The following NAPEPLD variants were observed in gnomAD, a reference collection of about 807,000 sequenced individuals.
The protein encoded by NAPEPLD is N-acyl-phosphatidylethanolamine-hydrolyzing phospholipase D.
NAPEPLD carries 23 observed loss-of-function variants against 38.1 expected under a neutral mutation model. The ratio of observed to expected loss-of-function variants is 0.60; its 90% confidence interval spans 0.43 to 0.86. The LOEUF (loss-of-function observed/expected upper bound fraction) is 0.86, where lower values mean the gene tolerates loss of function less well. Among genes scored for constraint, NAPEPLD ranks in the 40% least tolerant of loss-of-function variants. The pLI, the probability that NAPEPLD is intolerant of heterozygous loss-of-function variation, is 0.00. For synonymous variants in NAPEPLD, 147 were observed against 162.0 expected (o/e 0.91, Z 0.71); for missense variants, 411 against 476.8 (o/e 0.86, Z 1.28).
intron 1 of NAPEPLD, among the ~76,000 whole-genome samples, chr7:103,138,087 C>T (rs886811163): frequency 4.0e-5 from 6 of 151,332 alleles, no homozygotes; most frequent in Non-Finnish European, 5.9e-5. Flanking sequence ...AACCGATTCT[C>T]GTGCCTCAGC....
intron 3 of NAPEPLD, among the ~76,000 whole-genome samples, chr7:103,118,493 G>A (rs1805991061): frequency 6.6e-6 from 1 of 152,144 alleles, no homozygotes; most frequent in Admixed American, 6.5e-5. Context: ...AATCGTTTTA[G>A]TGAATGTAAA....
At chr7:103,112,634 A>C (rs1804765628) in intron 4 of NAPEPLD, among the ~76,000 whole-genome samples, 1 of 152,170 alleles carries the variant, frequency 6.6e-6, no homozygotes, top group African/African-American at 2.4e-5. Context: ...GGATAGCATT[A>C]GGAGAAATAC....
chr7:103,120,701 CTTTTTTT>C (rs869141133), intron 2 of NAPEPLD, among the ~76,000 whole-genome samples: 11 of 82,504 alleles, frequency 1.3e-4, no homozygotes, highest in South Asian at 5.6e-4. Context: ...TGATATTTTT[CTTTTTTT>C]TTTTTTTTTT....
intron 1 of NAPEPLD, chr7:103,142,072 GA>G: frequency 1.7e-6 from 1 of 583,428 alleles, no homozygotes; most frequent in Non-Finnish European, 3.0e-6. Context: ...GGGTGTTTCT[GA>G]TATACAGGCA....
chr7:103,144,820 T>C (rs1812207545), intron 1 of NAPEPLD, among the ~76,000 whole-genome samples: 1 of 152,036 alleles, frequency 6.6e-6, no homozygotes, highest in Non-Finnish European at 1.5e-5. Flanking sequence ...GAGACCAGCT[T>C]GGCCAACATG....
intron 1 of NAPEPLD, chr7:103,141,860 T>C (rs937953673): frequency 5.5e-5 from 55 of 1,008,132 alleles, no homozygotes; most frequent in Non-Finnish European, 8.0e-5. Flanking sequence ...ATTGGTCTCA[T>C]TGGGGTCTAA....
intron 4 of NAPEPLD, among the ~76,000 whole-genome samples, chr7:103,110,243 A>T (rs983106546): frequency 6.6e-6 from 1 of 152,172 alleles, no homozygotes; most frequent in Non-Finnish European, 1.5e-5. Flanking sequence ...TCCTGATACC[A>T]AAACCTGGCA....
At chr7:103,139,334 A>G (rs1441016095) in intron 1 of NAPEPLD, among the ~76,000 whole-genome samples, 1 of 152,194 alleles carries the variant, frequency 6.6e-6, no homozygotes, top group African/African-American at 2.4e-5. Context: ...TCCATTAGGG[A>G]AAAAAATCAT....
At chr7:103,119,251 TTTAA>T (rs1286325368) in intron 3 of NAPEPLD, among the ~76,000 whole-genome samples, 1 of 152,210 alleles carries the variant, frequency 6.6e-6, no homozygotes, top group Non-Finnish European at 1.5e-5. Flanking sequence ...ATTAAAATAT[TTTAA>T]TTCTCACCAC....
intron 2 of NAPEPLD, among the ~76,000 whole-genome samples, chr7:103,125,920 T>TAATAATAATAATAAA (rs1419156556): frequency 2.3e-5 from 3 of 133,332 alleles, no homozygotes; most frequent in African/African-American, 8.4e-5. Flanking sequence ...ATAATAATAA[T>TAATAATAATAATAAA]AAATAAAAAT....
rs1802671042 is a variant in NAPEPLD, at chr7:103,103,401, T to G, written c.*28A>C. On this transcript the variant is annotated 3_prime_UTR_variant, in exon 5 of 5. Transcript: ENST00000465647. ...TTTTTAAACTTAGATGATGCCTTTT[T>G]CATTAAAAGTGCCTGTGCTCACATT... 1 of 1,519,058 alleles carries G rather than the reference T, an allele frequency of 6.6e-7. No homozygotes were observed. Among genetic ancestry groups the G allele is most frequent in the Non-Finnish European group, 8.8e-7 (1 of 1,137,652 alleles). The allele number at this position is 1,519,058 out of a possible 1,614,324, so 94.1% of individuals were successfully genotyped here. A position where few individuals can be genotyped will look rare whatever the true frequency, so the allele number is the denominator to read the frequency against.
intron 3 of NAPEPLD, among the ~76,000 whole-genome samples, chr7:103,118,672 G>T (rs1806023274): frequency 6.6e-6 from 1 of 152,198 alleles, no homozygotes; most frequent in African/African-American, 2.4e-5. Flanking sequence ...ATTATCCATT[G>T]CTTTGTTACT....
intron 4 of NAPEPLD, among the ~76,000 whole-genome samples, chr7:103,105,048 C>T (rs1033164927): frequency 1.3e-5 from 2 of 152,170 alleles, no homozygotes; most frequent in Non-Finnish European, 2.9e-5. Context: ...TGTCTTTAAT[C>T]TGCCTAGATT....
chr7:103,116,833 ATTTC>A (rs1805674232), intron 3 of NAPEPLD, among the ~76,000 whole-genome samples: 1 of 152,194 alleles, frequency 6.6e-6, no homozygotes, highest in African/African-American at 2.4e-5. Context: ...CTGAGCTGCT[ATTTC>A]TTTGTCTGTG....
At chr7:103,111,115 C>T (rs945150934) in intron 4 of NAPEPLD, among the ~76,000 whole-genome samples, 1 of 152,092 alleles carries the variant, frequency 6.6e-6, no homozygotes, top group African/African-American at 2.4e-5. Flanking sequence ...AGAGAGGACA[C>T]AAACAAATGG....
intron 4 of NAPEPLD, among the ~76,000 whole-genome samples, chr7:103,108,331 C>T (rs1054055117): frequency 1.3e-5 from 2 of 151,960 alleles, no homozygotes; most frequent in Admixed American, 6.6e-5. Context: ...TTAGTAGAGA[C>T]GGGGTTTCAC....
At chr7:103,105,750 T>A (rs1217107271) in intron 4 of NAPEPLD, among the ~76,000 whole-genome samples, 2 of 152,004 alleles carry the variant, frequency 1.3e-5, no homozygotes, top group Non-Finnish European at 2.9e-5. Context: ...CTGGCCAACA[T>A]GGCAAAACCC....
chr7:103,141,537 T>C, intron 1 of NAPEPLD: 1 of 1,394,488 alleles, frequency 7.2e-7, no homozygotes, highest in Non-Finnish European at 1.0e-6. Flanking sequence ...AGAATCTGCT[T>C]GTTTTTTAAC....
chr7:103,110,430 A>G (rs1804282551), intron 4 of NAPEPLD, among the ~76,000 whole-genome samples: 1 of 152,240 alleles, frequency 6.6e-6, no homozygotes, highest in Non-Finnish European at 1.5e-5. Context: ...CTGGTTCAAC[A>G]TACGCAACTC....
Sources: allele counts gnomAD v4.1 joint callset (sites outside exome capture counted in the v4.1 genomes callset), GRCh38; gene constraint gnomAD v4.1.1; transcripts MANE v1.5; gene names NCBI Gene and HGNC (gene_info 2026-07-23, HGNC 2026-07-21).